The following CSGALNACT2 variants were observed in gnomAD, a reference collection of about 807,000 sequenced individuals.
The protein encoded by CSGALNACT2 is chondroitin sulfate N-acetylgalactosaminyltransferase 2, also known as beta 4 GalNAcT-2.
CSGALNACT2 carries 35 observed loss-of-function variants against 55.3 expected under a neutral mutation model. The ratio of observed to expected loss-of-function variants is 0.63; its 90% CI spans 0.48 to 0.84. The LOEUF (loss-of-function observed/expected upper bound fraction) is 0.84. Among genes scored for constraint, CSGALNACT2 ranks in the 40% least tolerant of loss-of-function variants. CSGALNACT2 has a pLI of 0.00. For missense variants in CSGALNACT2, 544 were observed against 657.5 expected (o/e 0.83, Z 1.89); for synonymous variants, 196 against 224.9 (o/e 0.87, Z 1.15).
intron 1 of CSGALNACT2, among the ~76,000 whole-genome samples, chr10:43,147,774 C>T (rs1011267593): frequency 6.4e-5 from 9 of 140,018 alleles, no homozygotes; most frequent in Non-Finnish European, 1.1e-4. Context: ...TTTTGCTTGT[C>T]GAGTTATCTT....
intron 3 of CSGALNACT2, 61 bp from the exon 4 acceptor site, chr10:43,160,433 T>C (rs1173278958): frequency 5.9e-6 from 5 of 843,480 alleles, no homozygotes; most frequent in South Asian, 4.4e-5. Flanking sequence ...ATGTGGTTGC[T>C]TTCTTAATGA....
chr10:43,182,872 C>CTTTG (rs1434454994), intron 7 of CSGALNACT2, among the ~76,000 whole-genome samples: 1 of 90,246 alleles, frequency 1.1e-5, no homozygotes, highest in Admixed American at 1.3e-4. Context: ...GAGACCCTGT[C>CTTTG]TCAAAAAAAA....
At chr10:43,169,210 A>G (rs577689991) in intron 6 of CSGALNACT2, among the ~76,000 whole-genome samples, 1 of 152,340 alleles carries the variant, frequency 6.6e-6, no homozygotes, top group Admixed American at 6.5e-5. Flanking sequence ...CTGTGACTGG[A>G]GATAGGCCAT....
At chr10:43,157,064 C>A (rs2914985) in intron 2 of CSGALNACT2, among the ~76,000 whole-genome samples, 5 of 152,042 alleles carry the variant, frequency 3.3e-5, no homozygotes, top group Admixed American at 1.3e-4. Context: ...TTGTGGCCTC[C>A]TCTTTTTTCT....
intron 6 of CSGALNACT2, among the ~76,000 whole-genome samples, chr10:43,170,032 C>T (rs1839352890): frequency 6.6e-6 from 1 of 152,082 alleles, no homozygotes; most frequent in East Asian, 1.9e-4. Context: ...TAAATGTATA[C>T]ATTGAGAGAG....
At chr10:43,162,769 C>G in intron 4 of CSGALNACT2, 1 of 911,160 alleles carries the variant, frequency 1.1e-6, no homozygotes, top group Non-Finnish European at 1.3e-6. Flanking sequence ...TCTCTCCAGC[C>G]CTAGCATCTG....
intron 4 of CSGALNACT2, among the ~76,000 whole-genome samples, chr10:43,161,155 T>C (rs1375492915): frequency 6.6e-6 from 1 of 152,232 alleles, no homozygotes; most frequent in African/African-American, 2.4e-5. Context: ...AGTAATCCCT[T>C]AGTACTTAAT....
intron 6 of CSGALNACT2, among the ~76,000 whole-genome samples, chr10:43,174,220 G>GA (rs1293043042): frequency 1.3e-5 from 2 of 151,316 alleles, no homozygotes; most frequent in Non-Finnish European, 2.9e-5. Flanking sequence ...AAAAAAAATT[G>GA]AAAAGAAAAA....
intron 4 of CSGALNACT2, 63 bp from the exon 5 acceptor site, chr10:43,163,803 G>A (rs1418975456): frequency 6.6e-7 from 1 of 1,516,128 alleles, no homozygotes; most frequent in African/African-American, 1.4e-5. Context: ...AAGCTGTGTT[G>A]AAGGAAGAAA....
intron 7 of CSGALNACT2, 21 bp downstream of exon 7, chr10:43,176,053 A>T (rs751847006): frequency 1.5e-5 from 24 of 1,561,318 alleles, no homozygotes; most frequent in Non-Finnish European, 2.1e-5. Flanking sequence ...TTTACATTTA[A>T]GGATAGGACT....
chr10:43,180,532 A>C (rs1380059812), intron 7 of CSGALNACT2, among the ~76,000 whole-genome samples: 3 of 152,126 alleles, frequency 2.0e-5, no homozygotes, highest in Non-Finnish European at 4.4e-5. Flanking sequence ...GAGCCCTTAG[A>C]GTATTATACA....
chr10:43,153,228 G>A (rs530418906), intron 1 of CSGALNACT2, among the ~76,000 whole-genome samples: 173 of 151,816 alleles, frequency 1.1e-3, no homozygotes, highest in Admixed American at 3.3e-3. Context: ...CCAGCTACTC[G>A]GGAGGCTGAG....
intron 6 of CSGALNACT2, 85 bp downstream of exon 6, chr10:43,167,183 TAAA>T: frequency 2.4e-6 from 2 of 837,262 alleles, no homozygotes; most frequent in Non-Finnish European, 3.9e-6. Flanking sequence ...AAAGTTTCAA[TAAA>T]AAACTGTATT....
At chr10:43,151,773 C>T (rs1838880187) in intron 1 of CSGALNACT2, among the ~76,000 whole-genome samples, 1 of 152,186 alleles carries the variant, frequency 6.6e-6, no homozygotes, top group Admixed American at 6.5e-5. Flanking sequence ...CTTAGGTTCC[C>T]CTCCTTGTGT....
At chr10:43,165,187 T>G (rs1839236931) in intron 5 of CSGALNACT2, among the ~76,000 whole-genome samples, 1 of 152,064 alleles carries the variant, frequency 6.6e-6, no homozygotes, top group South Asian at 2.1e-4. Context: ...ATTGCGCCAC[T>G]GCACTGCAGC....
intron 1 of CSGALNACT2, among the ~76,000 whole-genome samples, chr10:43,140,894 G>A (rs1838605927): frequency 1.3e-5 from 2 of 152,158 alleles, no homozygotes; most frequent in African/African-American, 4.8e-5. Context: ...GTGGGAAATC[G>A]GTAGCATCTA....
chr10:43,144,417 G>A (rs966275757), intron 1 of CSGALNACT2, among the ~76,000 whole-genome samples: 1 of 152,140 alleles, frequency 6.6e-6, no homozygotes, highest in Non-Finnish European at 1.5e-5. Flanking sequence ...CAAGTCACAA[G>A]GCAAGGAGAA....
intron 1 of CSGALNACT2, among the ~76,000 whole-genome samples, chr10:43,148,770 A>G (rs1463389634): frequency 6.6e-6 from 1 of 152,178 alleles, no homozygotes; most frequent in Non-Finnish European, 1.5e-5. Flanking sequence ...ATTAGTTATA[A>G]TAGATTTTTA....
At chr10:43,181,634 C>T (rs939287925) in intron 7 of CSGALNACT2, among the ~76,000 whole-genome samples, 2 of 151,346 alleles carry the variant, frequency 1.3e-5, no homozygotes, top group East Asian at 2.0e-4. Flanking sequence ...TGACAGGAGC[C>T]GGGCATGGTG....
Sources: gnomAD v4.1 joint callset for allele counts (sites outside exome capture counted in the v4.1 genomes callset) on GRCh38, gnomAD v4.1.1 for gene constraint, MANE v1.5 for transcripts, NCBI Gene and HGNC (gene_info 2026-07-23, HGNC 2026-07-21) for gene names.